The following RPN1 variants were observed in gnomAD, a reference collection of about 807,000 sequenced individuals.
RPN1 encodes the protein dolichyl-diphosphooligosaccharide--protein glycosyltransferase subunit 1.
Under a neutral mutation model 55.5 loss-of-function variants are expected in RPN1, and 12 were observed. That is an observed-to-expected ratio of 0.22 (90% confidence interval 0.14 to 0.35). The LOEUF (loss-of-function observed/expected upper bound fraction) is 0.35. RPN1 is among the 10% of genes least tolerant of loss of function. The pLI, the probability that RPN1 is intolerant of heterozygous loss-of-function variation, is 1.00. For missense variants in RPN1, 679 were observed against 761.3 expected (o/e 0.89, Z 1.27); for synonymous variants, 317 against 305.9 (o/e 1.04, Z -0.38).
At chr3:128,650,107 AGTCTGGCGCCCGCTGGCACCGG>A (rs2069804826) in intron 1 of RPN1, among the ~76,000 whole-genome samples, 1 of 152,210 alleles carries the variant, frequency 6.6e-6, no homozygotes, top group African/African-American at 2.4e-5. Flanking sequence ...TGAGAAATGA[AGTCTGGCGCCCGCTGGCACCGG>A]GCCGAGGGGC....
intron 1 of RPN1, 140 bp from the exon 2 acceptor site, chr3:128,645,123 G>A (rs2069756795): frequency 3.2e-6 from 2 of 618,900 alleles, no homozygotes; most frequent in Non-Finnish European, 5.7e-6. Flanking sequence ...TTTCTTTTCA[G>A]TAACAATTTT....
At chr3:128,640,103 C>T (rs564053835) in intron 2 of RPN1, among the ~76,000 whole-genome samples, 38 of 151,908 alleles carry the variant, frequency 2.5e-4, no homozygotes, top group African/African-American at 8.7e-4. Context: ...ACCTGGGAGG[C>T]GGAGGTTGCA....
intron 3 of RPN1, among the ~76,000 whole-genome samples, chr3:128,634,920 T>A (rs1188187719): frequency 6.6e-6 from 1 of 152,090 alleles, no homozygotes; most frequent in African/African-American, 2.4e-5. Context: ...AATATTTATA[T>A]TTTTAAAAGC....
Position 128,650,456 on chromosome 3 carries a change from G to C in RPN1, c.261+84C>G, listed in dbSNP as rs1001906561. 2.2e-5 allele frequency: 30 copies of C among 1,375,046 alleles called. 2 individuals are homozygous for C. Among genetic ancestry groups the C allele is most frequent in the East Asian group, 1.0e-4 (4 of 39,458 alleles). 85.2% of individuals were successfully genotyped at this position (1,375,046 alleles called of 1,614,324 possible). A position where few individuals can be genotyped will look rare whatever the true frequency, so the allele number is the denominator to read the frequency against. On this transcript the variant is annotated intron_variant, in intron 1 of 9. Transcript: ENST00000296255. Reference sequence around the variant, plus strand: ...GTCTCCGCATTTCCTGAGGCCTAGAGGGGCGCGGGCGGAGTCGGGGGACCG... The same window carrying C: ...GTCTCCGCATTTCCTGAGGCCTAGACGGGCGCGGGCGGAGTCGGGGGACCG...
rs1046482974 is a variant in RPN1, at chr3:128,640,709, C to G, written c.327-2604G>C. 5.3e-5 allele frequency among the ~76,000 whole-genome samples: 8 copies of G among 152,314 alleles called. No individual in the cohort carries two copies. In the East Asian group the frequency reaches 1.5e-3, roughly 29 times the overall value. On this transcript the variant is annotated intron_variant, in intron 2 of 9. Transcript: ENST00000296255. ...CCCAGGCATCTTCTGATGCCTCACT[C>G]TGCCCTGTCCCCAATACCTGGGCAA... is the stretch of plus-strand genomic sequence containing the variant.
intron 3 of RPN1, among the ~76,000 whole-genome samples, chr3:128,637,065 C>T (rs1053484888): frequency 2.0e-5 from 3 of 151,956 alleles, no homozygotes; most frequent in South Asian, 4.2e-4. Context: ...AGCAAGATCC[C>T]GTCTCTACAA....
At chr3:128,645,103 G>A (rs1475481650) in intron 1 of RPN1, 120 bp from the exon 2 acceptor site, 2 of 642,430 alleles carry the variant, frequency 3.1e-6, no homozygotes, top group East Asian at 2.7e-5. Context: ...GAACTTTTTA[G>A]AGATTGAATT....
In RPN1 at chr3:128,650,775, A is replaced by G; in HGVS notation, c.26T>C (p.Phe9Ser). MEAPAAGL[F>S]LLLLLGTWAP... The stretch of plus-strand genomic sequence containing the variant: ...CCAAGTCCCAAGCAACAGGAGCAGA[A>G]ACAAGCCGGCGGCTGGCGCCTCCAT... The change falls in exon 1 of 10, where the codon TTT (phenylalanine) becomes TCT (serine). Residue 9 changes from phenylalanine (F) to serine (S), a missense_variant. By Grantham distance (155) the Phe-to-Ser change is radical. Around this residue, in one of 3 missense-constraint regions of RPN1, gnomAD observed 352 missense variants for 352.8 expected, o/e 1.00. Coordinates refer to ENST00000296255, the MANE Select transcript of RPN1 (RefSeq NM_002950.4). 1 of 1,541,918 alleles carries G rather than the reference A, an allele frequency of 6.5e-7. No homozygotes were observed.
At chr3:128,629,164 A>G (rs1009037212) in intron 5 of RPN1, among the ~76,000 whole-genome samples, 4 of 151,362 alleles carry the variant, frequency 2.6e-5, no homozygotes, top group Non-Finnish European at 1.5e-5. Flanking sequence ...ATTTCTTGAC[A>G]GGAGGGGGTG....
At chr3:128,622,020 C>T (rs2069563513) in intron 9 of RPN1, 144 bp downstream of exon 9, 3 of 796,932 alleles carry the variant, frequency 3.8e-6, no homozygotes, top group Non-Finnish European at 5.9e-6. Context: ...CAAGGACTGG[C>T]ACCACATGAA....
intron 2 of RPN1, among the ~76,000 whole-genome samples, chr3:128,644,229 A>C (rs865934250): frequency 3.9e-5 from 6 of 152,200 alleles, no homozygotes; most frequent in Non-Finnish European, 1.5e-5. Context: ...TATAGAAAGT[A>C]ACTACTTTCT....
In RPN1 at chr3:128,632,033, G is replaced by C; in HGVS notation, c.758C>G (p.Thr253Arg). 1 of 1,614,160 alleles carries C rather than the reference G, an allele frequency of 6.2e-7. No homozygotes were observed. ...GAAAGGCCCCTTAAGCACAGCTCCTGTGTGCTTTAAGTCCACATTTTCTTC... is the reference window on the plus strand; with the variant it reads ...GAAAGGCCCCTTAAGCACAGCTCCTCTGTGCTTTAAGTCCACATTTTCTTC... ...AVEENVDLKH[T>R]GAVLKGPFSR... Residue 253 changes from threonine to arginine, a missense_variant, in exon 4 of 10, where the codon ACA (threonine) becomes AGA (arginine). Around this residue, in one of 3 missense-constraint regions of RPN1, gnomAD observed 352 missense variants for 352.8 expected, o/e 1.00. Coordinates refer to ENST00000296255, the MANE Select transcript of RPN1 (RefSeq NM_002950.4).
chr3:128,630,307 G>T (rs909415702), intron 4 of RPN1, among the ~76,000 whole-genome samples, 164 bp from the exon 5 acceptor site: 3 of 152,114 alleles, frequency 2.0e-5, no homozygotes, highest in African/African-American at 7.2e-5. Context: ...TCCCCACAAA[G>T]GTTTGCGTCG....
chr3:128,646,231 A>AG (rs1240083119), intron 1 of RPN1, among the ~76,000 whole-genome samples: 3 of 151,676 alleles, frequency 2.0e-5, no homozygotes, highest in African/African-American at 7.3e-5. Flanking sequence ...TCAAAAAAAA[A>AG]AAAAAAAAAA....
intron 3 of RPN1, among the ~76,000 whole-genome samples, chr3:128,635,690 TACACACACAC>T (rs71153135): frequency 1.4e-5 from 2 of 138,274 alleles, no homozygotes; most frequent in African/African-American, 2.7e-5. Context: ...TCTATAGATA[TACACACACAC>T]ACACACACAC....
intron 3 of RPN1, among the ~76,000 whole-genome samples, chr3:128,636,436 G>A (rs1215419643): frequency 6.7e-6 from 1 of 149,366 alleles, no homozygotes; most frequent in Non-Finnish European, 1.5e-5. Context: ...ACTCCAGTCT[G>A]AATGACAGAT....
intron 3 of RPN1, among the ~76,000 whole-genome samples, chr3:128,634,871 G>A (rs1413731293): frequency 1.3e-5 from 2 of 151,858 alleles, no homozygotes; most frequent in Non-Finnish European, 2.9e-5. Flanking sequence ...TCTCATGAAC[G>A]TTCTATTAAC....
At chr3:128,624,793 G>A (rs2712418) in intron 8 of RPN1, among the ~76,000 whole-genome samples, 34,440 of 150,602 alleles carry the variant, frequency 0.23, 4,188 homozygotes, top group East Asian at 0.41. Flanking sequence ...TGGAGATCGC[G>A]CCACTGCACT....
At chr3:128,628,720 A>C (rs2069619954) in intron 5 of RPN1, among the ~76,000 whole-genome samples, 1 of 151,578 alleles carries the variant, frequency 6.6e-6, no homozygotes. Context: ...AGTGGCTTAC[A>C]CCTATAATCC....
Sources: gnomAD v4.1 joint callset for allele counts (sites outside exome capture counted in the v4.1 genomes callset) on GRCh38, gnomAD v4.1.1 for gene constraint, gnomAD v4.1.1 regional missense constraint, MANE v1.5 for transcripts, NCBI Gene and HGNC (gene_info 2026-07-23, HGNC 2026-07-21) for gene names.